The following CALN1 variants were observed in gnomAD, a reference collection of about 807,000 sequenced individuals.
CALN1 encodes calcium-binding protein 8.
In CALN1, 17 loss-of-function variants were observed where a neutral mutation model predicts 30.6. The observed-to-expected ratio is 0.56, with a 90% CI of 0.38 to 0.83. The LOEUF (loss-of-function observed/expected upper bound fraction) is 0.83, where lower values mean the gene tolerates loss of function less well. Among genes scored for constraint, CALN1 ranks in the 40% least tolerant of loss-of-function variants. The probability of loss-of-function intolerance (pLI) is 0.00; values close to 1 mark genes in which losing one functional copy is unlikely to be tolerated. For synonymous variants in CALN1, 156 were observed against 131.4 expected (o/e 1.19, Z -1.28); for missense variants, 291 against 354.9 (o/e 0.82, Z 1.45).
At chr7:72,296,777 C>CT (rs1463133829) in intron 2 of CALN1, among the ~76,000 whole-genome samples, 1 of 151,006 alleles carries the variant, frequency 6.6e-6, no homozygotes. Context: ...TGCTAGCGGT[C>CT]TATCAATTTT....
At chr7:72,009,879 A>G (rs1352357201) in intron 5 of CALN1, among the ~76,000 whole-genome samples, 1 of 152,228 alleles carries the variant, frequency 6.6e-6, no homozygotes, top group African/African-American at 2.4e-5. Flanking sequence ...TTTACTTTAT[A>G]AATTACCCAG....
the CALN1 span, among the ~76,000 whole-genome samples, chr7:72,495,140 C>A: frequency 6.6e-6 from 1 of 152,194 alleles, no homozygotes; most frequent in Non-Finnish European, 1.5e-5. Context: ...GGAGTCTGAC[C>A]ATTGCGTGAT....
intron 5 of CALN1, among the ~76,000 whole-genome samples, chr7:71,829,870 A>G (rs1320699859): frequency 6.6e-6 from 1 of 152,210 alleles, no homozygotes; most frequent in Non-Finnish European, 1.5e-5. Flanking sequence ...TTGCACATCG[A>G]AGAGGATGTG....
At chr7:71,939,502 G>T (rs530384812) in intron 5 of CALN1, among the ~76,000 whole-genome samples, 1 of 151,798 alleles carries the variant, frequency 6.6e-6, no homozygotes, top group Non-Finnish European at 1.5e-5. Context: ...GAACCTGGGA[G>T]GCAGAGGTTG....
chr7:72,233,322 A>G (rs1794245237), intron 3 of CALN1, among the ~76,000 whole-genome samples: 1 of 152,110 alleles, frequency 6.6e-6, no homozygotes, highest in African/African-American at 2.4e-5. Context: ...AAAGGAGAAG[A>G]CGGTCTCGGG....
upstream of CALN1, among the ~76,000 whole-genome samples, chr7:72,450,988 C>T (rs989584531): frequency 6.6e-6 from 1 of 152,068 alleles, no homozygotes; most frequent in Admixed American, 6.5e-5. Flanking sequence ...GCCACCATGA[C>T]GGCCTTGTGG....
intron 2 of CALN1, among the ~76,000 whole-genome samples, chr7:72,322,965 T>C (rs1403209496): frequency 1.6e-5 from 2 of 128,776 alleles, no homozygotes; most frequent in Non-Finnish European, 3.3e-5. Flanking sequence ...AATAAATAAA[T>C]ATCCTGGGTG....
At chr7:71,864,392 G>A (rs1048429513) in intron 5 of CALN1, among the ~76,000 whole-genome samples, 10 of 152,174 alleles carry the variant, frequency 6.6e-5, no homozygotes, top group African/African-American at 2.4e-4. Context: ...ATGCCTGTGT[G>A]AGCCACACAG....
intron 3 of CALN1, among the ~76,000 whole-genome samples, chr7:72,170,139 A>G (rs1788834894): frequency 6.6e-6 from 1 of 152,070 alleles, no homozygotes; most frequent in African/African-American, 2.4e-5. Flanking sequence ...TGCCTCAGCT[A>G]ATTATTTTTT....
intron 5 of CALN1, among the ~76,000 whole-genome samples, chr7:72,001,034 ACTT>A (rs1199123681): frequency 4.0e-5 from 6 of 151,178 alleles, no homozygotes; most frequent in Non-Finnish European, 5.9e-5. Flanking sequence ...CAGGTGATCA[ACTT>A]CTCAATAAGA....
intron 6 of CALN1, among the ~76,000 whole-genome samples, chr7:71,810,105 CAG>C (rs2116190734): frequency 6.6e-6 from 1 of 152,172 alleles, no homozygotes; most frequent in South Asian, 2.1e-4. Context: ...AGAGAAAAGA[CAG>C]GGTCAGTGGA....
intron 1 of CALN1, among the ~76,000 whole-genome samples, chr7:72,446,437 T>G (rs1329555703): frequency 2.6e-5 from 4 of 151,454 alleles, no homozygotes; most frequent in Non-Finnish European, 5.9e-5. Context: ...GGGACAGGGT[T>G]AGGAATTCCT....
chr7:71,887,886 ATG>A, intron 5 of CALN1, among the ~76,000 whole-genome samples: 1 of 152,152 alleles, frequency 6.6e-6, no homozygotes, highest in Middle Eastern at 3.4e-3. Context: ...TGTGTGCAAA[ATG>A]TGTTGCAATA....
intron 4 of CALN1, among the ~76,000 whole-genome samples, chr7:72,096,612 G>A (rs138582019): frequency 2.0e-5 from 3 of 152,134 alleles, no homozygotes; most frequent in Admixed American, 1.3e-4. Flanking sequence ...TTCCTGGTTC[G>A]ACTGTTTCAG....
chr7:72,238,853 A>G (rs185221267), intron 3 of CALN1, among the ~76,000 whole-genome samples: 3 of 152,292 alleles, frequency 2.0e-5, no homozygotes, highest in Admixed American at 2.0e-4. Context: ...GTATGTCTTT[A>G]TTAGCAGCAT....
the CALN1 span, among the ~76,000 whole-genome samples, chr7:72,474,381 T>C: frequency 6.6e-6 from 1 of 152,170 alleles, no homozygotes; most frequent in African/African-American, 2.4e-5. Context: ...TGGACCTGCA[T>C]GCAGTGTTTA....
At chr7:72,054,617 G>T (rs987293380) in intron 4 of CALN1, among the ~76,000 whole-genome samples, 1 of 150,416 alleles carries the variant, frequency 6.6e-6, no homozygotes, top group Non-Finnish European at 1.5e-5. Context: ...GCAGGAACAT[G>T]AATGGAGCTG....
chr7:71,850,192 C>T lies in CALN1; in HGVS notation c.502-39700G>A, dbSNP rs571795535. 1.1e-4 allele frequency among the ~76,000 whole-genome samples: 16 copies of T among 152,134 alleles called. No individual in the cohort carries two copies. The South Asian group carries it at 2.3e-3, about 22-fold the overall frequency. ...TGCCATATATCAAGAGATCTGAGTG[C>T]GTAATATACTGACATACTGTTTTTG... is the stretch of plus-strand genomic sequence containing the variant. On this transcript the variant is annotated intron_variant, in intron 5 of 6. Coordinates refer to ENST00000395275, the MANE Select transcript of CALN1 (RefSeq NM_031468.4).
At chr7:71,798,265 A>C (rs949098902) in intron 6 of CALN1, among the ~76,000 whole-genome samples, 1 of 151,958 alleles carries the variant, frequency 6.6e-6, no homozygotes, top group African/African-American at 2.4e-5. Context: ...TTGGTTTAAA[A>C]GAATCTTGGT....
Sources: allele counts gnomAD v4.1 joint callset (sites outside exome capture counted in the v4.1 genomes callset), GRCh38; gene constraint gnomAD v4.1.1; transcripts MANE v1.5; gene names NCBI Gene and HGNC (gene_info 2026-07-23, HGNC 2026-07-21).